SNTG1: variants seen among roughly 807,000 people sequenced by gnomAD.
The protein encoded by SNTG1 is gamma-1-syntrophin.
Under a neutral mutation model 74.7 loss-of-function variants are expected in SNTG1, and 39 were observed. The ratio of observed to expected loss-of-function variants is 0.52; its 90% CI spans 0.40 to 0.68. The LOEUF is 0.68. Ranked by LOEUF, SNTG1 falls within the 30% of genes least tolerant of loss-of-function variation. The pLI, the probability that SNTG1 is intolerant of heterozygous loss-of-function variation, is 0.00. For missense variants in SNTG1, 685 were observed against 609.5 expected (o/e 1.12, Z -1.30); for synonymous variants, 254 against 217.1 (o/e 1.17, Z -1.49).
intron 1 of SNTG1, among the ~76,000 whole-genome samples, chr8:50,102,463 T>C (rs2080174877): frequency 6.8e-6 from 1 of 146,574 alleles, no homozygotes. Flanking sequence ...ATATTAGCCC[T>C]TTGTCAGATG....
intron 1 of SNTG1, among the ~76,000 whole-genome samples, chr8:49,973,405 C>G (rs903351956): frequency 1.3e-5 from 2 of 151,774 alleles, no homozygotes; most frequent in Non-Finnish European, 2.9e-5. Context: ...GAAGATATAC[C>G]TAATGTTAAA....
chr8:50,043,277 G>T (rs916325764), intron 1 of SNTG1, among the ~76,000 whole-genome samples: 4 of 152,142 alleles, frequency 2.6e-5, no homozygotes, highest in Non-Finnish European at 4.4e-5. Context: ...TAAAGCAAAT[G>T]ATTTTGATAG....
chr8:50,638,589 T>A (rs2095053476), intron 13 of SNTG1, among the ~76,000 whole-genome samples: 1 of 152,014 alleles, frequency 6.6e-6, no homozygotes, highest in Non-Finnish European at 1.5e-5. Context: ...AGAAAATACC[T>A]TACAAAATAG....
chr8:50,514,712 G>A (rs531853122), intron 9 of SNTG1, among the ~76,000 whole-genome samples: 2 of 152,298 alleles, frequency 1.3e-5, no homozygotes, highest in East Asian at 1.9e-4. Context: ...TTATTGTTGA[G>A]TGAAGTGTTC....
At chr8:50,657,050 G>T (rs747700993) in intron 14 of SNTG1, 25 bp downstream of exon 14, 2 of 1,370,626 alleles carry the variant, frequency 1.5e-6, no homozygotes, top group Non-Finnish European at 9.8e-7. Flanking sequence ...GAAATGTATT[G>T]GTCGTTTCCA....
At chr8:50,027,311 T>A (rs919327308) in intron 1 of SNTG1, among the ~76,000 whole-genome samples, 5 of 152,148 alleles carry the variant, frequency 3.3e-5, no homozygotes, top group African/African-American at 1.2e-4. Context: ...CATCAGCTGG[T>A]AACCAGGTGT....
intron 12 of SNTG1, among the ~76,000 whole-genome samples, chr8:50,589,810 T>A (rs1202639124): frequency 6.6e-6 from 1 of 152,188 alleles, no homozygotes; most frequent in Non-Finnish European, 1.5e-5. Context: ...GCTATGCTGA[T>A]TTTAGCTGAA....
chr8:50,474,113 A>C (rs1162732176), intron 8 of SNTG1, among the ~76,000 whole-genome samples: 1 of 152,140 alleles, frequency 6.6e-6, no homozygotes, highest in African/African-American at 2.4e-5. Context: ...ACACTTAAAA[A>C]TGATTAAGAT....
chr8:50,067,923 C>G (rs893271410), intron 1 of SNTG1, among the ~76,000 whole-genome samples: 1 of 152,150 alleles, frequency 6.6e-6, no homozygotes, highest in Non-Finnish European at 1.5e-5. Context: ...ATCTTTCATG[C>G]AAATTCAGAT....
intron 2 of SNTG1, among the ~76,000 whole-genome samples, chr8:50,187,419 G>C (rs1002678101): frequency 6.6e-6 from 1 of 152,148 alleles, no homozygotes; most frequent in Non-Finnish European, 1.5e-5. Flanking sequence ...TATGGGGAAA[G>C]GATTCCCTAT....
intron 13 of SNTG1, 51 bp downstream of exon 13, chr8:50,590,968 AT>A (rs761495857): frequency 1.8e-5 from 23 of 1,304,338 alleles, no homozygotes; most frequent in Non-Finnish European, 2.2e-5. Flanking sequence ...CTTTAATTTT[AT>A]TGATTATAGA....
At chr8:50,714,343 T>C (rs2095470125) in intron 17 of SNTG1, among the ~76,000 whole-genome samples, 1 of 151,864 alleles carries the variant, frequency 6.6e-6, no homozygotes, top group African/African-American at 2.4e-5. Context: ...CCCTATGAAA[T>C]TTGACCTCTT....
At chr8:50,771,973 G>A (rs1160025205) in intron 18 of SNTG1, among the ~76,000 whole-genome samples, 1 of 152,074 alleles carries the variant, frequency 6.6e-6, no homozygotes, top group Non-Finnish European at 1.5e-5. Flanking sequence ...ATTTCAAAGG[G>A]TATATAGAAA....
At chr8:50,358,752 T>C (rs1444633212) in intron 2 of SNTG1, among the ~76,000 whole-genome samples, 1 of 152,188 alleles carries the variant, frequency 6.6e-6, no homozygotes, top group Non-Finnish European at 1.5e-5. Context: ...ATGTAGCCAA[T>C]AAATTAGAAT....
chr8:50,751,836 A>G (rs1342456962), intron 17 of SNTG1, among the ~76,000 whole-genome samples, 165 bp from the exon 18 acceptor site: 1 of 152,072 alleles, frequency 6.6e-6, no homozygotes, highest in Non-Finnish European at 1.5e-5. Context: ...ATATTGAATC[A>G]CAAATGTTAA....
At chr8:50,035,842 C>T (rs772880973) in intron 1 of SNTG1, among the ~76,000 whole-genome samples, 5 of 152,120 alleles carry the variant, frequency 3.3e-5, no homozygotes, top group Admixed American at 6.5e-5. Flanking sequence ...GATGGTGTTC[C>T]TCTGAACAAG....
At chr8:50,536,231 A>T (rs1465129672) in intron 10 of SNTG1, among the ~76,000 whole-genome samples, 1 of 152,218 alleles carries the variant, frequency 6.6e-6, no homozygotes, top group Admixed American at 6.5e-5. Context: ...AAATATTTGC[A>T]AAAATCTGAT....
chr8:50,348,798 A>C (rs1460390929), intron 2 of SNTG1, among the ~76,000 whole-genome samples: 1 of 152,224 alleles, frequency 6.6e-6, no homozygotes, highest in Non-Finnish European at 1.5e-5. Flanking sequence ...TAAACAGAAA[A>C]GGCAAATGCT....
chr8:50,075,810 A>G (rs1216336609), intron 1 of SNTG1, among the ~76,000 whole-genome samples: 3 of 152,152 alleles, frequency 2.0e-5, no homozygotes, highest in South Asian at 2.1e-4. Flanking sequence ...TAAGAGCTAT[A>G]ACACTCAACA....
Sources: gnomAD v4.1 joint callset for allele counts (sites outside exome capture counted in the v4.1 genomes callset) on GRCh38, gnomAD v4.1.1 for gene constraint, MANE v1.5 for transcripts, NCBI Gene and HGNC (gene_info 2026-07-23, HGNC 2026-07-21) for gene names.